The following LAMA4 variants were observed in gnomAD, a reference collection of about 807,000 sequenced individuals.
The protein encoded by LAMA4 is laminin subunit alpha-4.
A neutral mutation model predicts 207.1 loss-of-function variants in LAMA4; 127 were observed. The observed-to-expected ratio is 0.61, with a 90% CI of 0.53 to 0.71. The LOEUF (loss-of-function observed/expected upper bound fraction) is 0.71. Ranked by LOEUF, LAMA4 falls within the 30% of genes least tolerant of loss-of-function variation. The probability of loss-of-function intolerance (pLI) is 0.00; values close to 1 mark genes in which losing one functional copy is unlikely to be tolerated. For missense variants in LAMA4, 2,093 were observed against 2,246.5 expected (o/e 0.93, Z 1.38); for synonymous variants, 761 against 816.0 (o/e 0.93, Z 1.15).
intron 2 of LAMA4, among the ~76,000 whole-genome samples, chr6:112,227,520 C>G (rs1217348279): frequency 6.6e-6 from 1 of 152,204 alleles, no homozygotes; most frequent in South Asian, 2.1e-4. Flanking sequence ...ATTTCCATGT[C>G]TATACCCGGT....
At chr6:112,241,172 A>AATATATATGAATATATATGAAT (rs1786463123) in intron 2 of LAMA4, among the ~76,000 whole-genome samples, 24 of 89,376 alleles carry the variant, frequency 2.7e-4, no homozygotes, top group African/African-American at 1.3e-3. Flanking sequence ...AATATATATG[A>AATATATATGAATATATATGAAT]ATATATATGA....
At position 112,117,672 on chromosome 6, in the gene LAMA4, A is replaced by G; in HGVS notation, c.4981+67T>C. On this transcript the variant is annotated intron_variant, in intron 35 of 38. Transcript: ENST00000230538. The surrounding 1 kb of genome is among the most constrained non-coding windows in gnomAD (Gnocchi z 4.5). ...CTTAAGTTTTAACTCTGGGCCTGATATTCCCTGTTAGCCATCTCCAGGAAG... is the reference window on the plus strand; with the variant it reads ...CTTAAGTTTTAACTCTGGGCCTGATGTTCCCTGTTAGCCATCTCCAGGAAG... The G allele has an allele frequency of 1.3e-6, 2 of 1,487,806 alleles. No individual in the cohort carries two copies. The highest frequency in any genetic ancestry group is 2.3e-5 in the East Asian group (1 of 43,776). The allele number at this position is 1,487,806 out of a possible 1,614,324, so 92.2% of individuals were successfully genotyped here. A position where few individuals can be genotyped will look rare whatever the true frequency, so the allele number is the denominator to read the frequency against.
chr6:112,151,806 A>G (rs997138333), intron 16 of LAMA4, among the ~76,000 whole-genome samples: 1 of 152,064 alleles, frequency 6.6e-6, no homozygotes, highest in African/African-American at 2.4e-5. Flanking sequence ...CAGATTATGG[A>G]AGTTTCCTTC....
intron 20 of LAMA4, among the ~76,000 whole-genome samples, 167 bp from the exon 21 acceptor site, chr6:112,141,670 G>T (rs1562653958): frequency 6.6e-6 from 1 of 152,128 alleles, no homozygotes; most frequent in Non-Finnish European, 1.5e-5. Flanking sequence ...TTCCTTTCCA[G>T]CCTCCCTGTG....
intron 19 of LAMA4, among the ~76,000 whole-genome samples, chr6:112,144,170 A>C (rs939925811): frequency 6.6e-6 from 1 of 152,242 alleles, no homozygotes; most frequent in African/African-American, 2.4e-5. Flanking sequence ...TTGCTATGTC[A>C]GGAGATGTTC....
At chr6:112,177,500 A>T (rs1254440850) in intron 10 of LAMA4, among the ~76,000 whole-genome samples, 2 of 152,212 alleles carry the variant, frequency 1.3e-5, no homozygotes, top group Non-Finnish European at 2.9e-5. Context: ...ATTGAAGGCC[A>T]ACTATTAGTG....
chr6:112,170,488 C>A (rs1236566311), intron 12 of LAMA4, among the ~76,000 whole-genome samples: 1 of 152,152 alleles, frequency 6.6e-6, no homozygotes, highest in Admixed American at 6.5e-5. Flanking sequence ...TGTTATCCTG[C>A]AGGCTAGGGG....
At chr6:112,216,609 C>A in intron 2 of LAMA4, 140 bp from the exon 3 acceptor site, 2 of 692,844 alleles carry the variant, frequency 2.9e-6, no homozygotes, top group Non-Finnish European at 5.3e-6. Context: ...ACATACAAAA[C>A]ATACTAAAAT....
chr6:112,250,001 C>G (rs1554189441), intron 2 of LAMA4, among the ~76,000 whole-genome samples: 1 of 152,166 alleles, frequency 6.6e-6, no homozygotes, highest in Non-Finnish European at 1.5e-5. Context: ...TTGCTCACCC[C>G]TGAGGGCAAA....
intron 14 of LAMA4, chr6:112,158,315 G>C (rs986102391): frequency 8.2e-5 from 17 of 206,880 alleles, no homozygotes; most frequent in Non-Finnish European, 1.4e-4. Flanking sequence ...GAAAGATAAT[G>C]CTGTCTATGA....
intron 13 of LAMA4, among the ~76,000 whole-genome samples, chr6:112,163,674 G>A (rs781803503): frequency 4.6e-5 from 7 of 152,190 alleles, no homozygotes; most frequent in Admixed American, 3.9e-4. Context: ...AAACAGCAAT[G>A]ATAAGTCACT....
chr6:112,198,370 A>G (rs1783544364), intron 5 of LAMA4, among the ~76,000 whole-genome samples: 2 of 152,342 alleles, frequency 1.3e-5, no homozygotes, highest in South Asian at 4.1e-4. Flanking sequence ...ATATCCATAC[A>G]AATCAGTTGC....
chr6:112,140,466 C>T (rs922755173), intron 22 of LAMA4, among the ~76,000 whole-genome samples: 5 of 152,156 alleles, frequency 3.3e-5, no homozygotes, highest in Admixed American at 2.6e-4. Context: ...CCACAAGCTA[C>T]GGACCTTCCT....
At chr6:112,138,570 A>G (rs1395825962) in intron 24 of LAMA4, among the ~76,000 whole-genome samples, 1 of 151,994 alleles carries the variant, frequency 6.6e-6, no homozygotes, top group Non-Finnish European at 1.5e-5. Context: ...ATCATTAATA[A>G]ATAAGTCAAT....
Position 112,220,305 on chromosome 6 carries a change from C to A in LAMA4, c.196-3836G>T, listed in dbSNP as rs59711540. ...CTCTACCATTAAGACTGAATTAATC[C>A]ATACCATTTACTTCTGCCTTTGAAA... On this transcript the variant is annotated intron_variant, in intron 2 of 38. Transcript: ENST00000230538. Among the ~76,000 whole-genome samples, 1,300 of 152,198 alleles carry A rather than the reference C, an allele frequency of 8.5e-3. 26 individuals are homozygous for A. The highest frequency in any genetic ancestry group is 0.029 in the African/African-American group (1,209 of 41,526).
intron 7 of LAMA4, 144 bp downstream of exon 7, chr6:112,188,966 C>A: frequency 1.5e-6 from 1 of 668,324 alleles, no homozygotes; most frequent in Middle Eastern, 3.1e-4. Context: ...GTGCAGGCTC[C>A]ATTTGCTGAG....
chr6:112,202,186 G>A (rs554306969), intron 4 of LAMA4, among the ~76,000 whole-genome samples: 5 of 152,152 alleles, frequency 3.3e-5, no homozygotes, highest in African/African-American at 9.6e-5. Context: ...TGGCTGCGTC[G>A]ATGAAAGTCC....
intron 28 of LAMA4, 114 bp downstream of exon 28, chr6:112,132,639 G>A (rs1410553444): frequency 6.1e-6 from 6 of 979,110 alleles, no homozygotes; most frequent in Non-Finnish European, 9.4e-6. Context: ...GTGTCTACGT[G>A]TGAGTCAAAA....
At chr6:112,245,369 C>T (rs1174080749) in intron 2 of LAMA4, among the ~76,000 whole-genome samples, 1 of 152,172 alleles carries the variant, frequency 6.6e-6, no homozygotes, top group African/African-American at 2.4e-5. Flanking sequence ...TTCCCTTTGG[C>T]TGGTGTCTAT....
Sources: gnomAD v4.1 joint callset for allele counts (sites outside exome capture counted in the v4.1 genomes callset) on GRCh38, gnomAD v4.1.1 for gene constraint, Gnocchi (gnomAD v3.1) non-coding constraint, MANE v1.5 for transcripts, NCBI Gene and HGNC (gene_info 2026-07-23, HGNC 2026-07-21) for gene names.